Variants in DLC1 observed in about 807,000 individuals in gnomAD.
DLC1 encodes the protein rho GTPase-activating protein 7.
Under a neutral mutation model 140.3 loss-of-function variants are expected in DLC1, and 54 were observed. The observed-to-expected ratio is 0.38, with a 90% confidence interval of 0.31 to 0.48. The LOEUF (loss-of-function observed/expected upper bound fraction) is 0.48, where lower values mean the gene tolerates loss of function less well. DLC1 is among the 20% of genes least tolerant of loss of function. DLC1 has a pLI of 0.96. For missense variants in DLC1, 2,536 were observed against 1,907.0 expected (o/e 1.33, Z -6.14); for synonymous variants, 986 against 728.1 (o/e 1.35, Z -5.70).
chr8:13,392,098 T>C (rs149721016), intron 4 of DLC1, among the ~76,000 whole-genome samples: 116 of 152,336 alleles, frequency 7.6e-4, no homozygotes, highest in Middle Eastern at 3.4e-3. Flanking sequence ...TCAGTGTACC[T>C]GTTGGCACAC....
intron 3 of DLC1, among the ~76,000 whole-genome samples, chr8:13,396,062 C>T (rs67123047): frequency 0.37 from 49,647 of 135,120 alleles, 10,363 homozygotes; most frequent in Non-Finnish European, 0.46. Context: ...TCTTTTCTTT[C>T]TTTTTTTTTT....
chr8:13,091,184 C>T, intron 14 of DLC1, 134 bp downstream of exon 14: 1 of 678,368 alleles, frequency 1.5e-6, no homozygotes. Context: ...GTAAATAAGA[C>T]ATTCTCAGGC....
chr8:13,294,291 C>G (rs920222368), intron 5 of DLC1, among the ~76,000 whole-genome samples: 6 of 152,180 alleles, frequency 3.9e-5, no homozygotes, highest in African/African-American at 1.4e-4. Context: ...GTGCACCGTA[C>G]TGTGCTACAT....
At chr8:13,524,133 TTATTATTA>T (rs946682345) in intron 1 of DLC1, among the ~76,000 whole-genome samples, 4 of 147,656 alleles carry the variant, frequency 2.7e-5, no homozygotes, top group African/African-American at 9.9e-5. Flanking sequence ...ATTATTATTA[TTATTATTA>T]TTATTATTAT....
chr8:13,291,763 A>T (rs1159619270), intron 5 of DLC1, among the ~76,000 whole-genome samples: 1 of 152,206 alleles, frequency 6.6e-6, no homozygotes, highest in Non-Finnish European at 1.5e-5. Context: ...CAACCAAACC[A>T]GACCAAGCCT....
chr8:13,172,655 G>T (rs1216021219), intron 5 of DLC1, among the ~76,000 whole-genome samples: 1 of 152,228 alleles, frequency 6.6e-6, no homozygotes, highest in Admixed American at 6.5e-5. Context: ...TCAGTTAGGA[G>T]CATGTACTGT....
upstream of DLC1, among the ~76,000 whole-genome samples, chr8:13,517,415 A>C (rs1425654087): frequency 6.6e-6 from 1 of 152,134 alleles, no homozygotes; most frequent in Non-Finnish European, 1.5e-5. Flanking sequence ...ACCCTTTTCT[A>C]CACAAAAAAT....
intron 2 of DLC1, among the ~76,000 whole-genome samples, chr8:13,447,116 G>C (rs911067847): frequency 1.7e-4 from 22 of 127,706 alleles, no homozygotes; most frequent in African/African-American, 6.5e-4. Flanking sequence ...CATTGCATTA[G>C]CTAACATGTA....
intron 2 of DLC1, among the ~76,000 whole-genome samples, chr8:13,416,341 G>A (rs1838056118): frequency 6.6e-6 from 1 of 151,998 alleles, no homozygotes; most frequent in Admixed American, 6.6e-5. Flanking sequence ...GAAAACAAAA[G>A]GAAGTTGCAA....
At chr8:13,217,255 TAA>T (rs968225662) in intron 5 of DLC1, among the ~76,000 whole-genome samples, 1 of 152,176 alleles carries the variant, frequency 6.6e-6, no homozygotes, top group Admixed American at 6.5e-5. Flanking sequence ...CAAGACACAT[TAA>T]AAGAGTAAAA....
intron 4 of DLC1, among the ~76,000 whole-genome samples, chr8:13,367,061 G>A (rs1384750403): frequency 1.3e-5 from 2 of 152,014 alleles, no homozygotes; most frequent in African/African-American, 4.8e-5. Context: ...GCTGTATTCT[G>A]TATTTTATAA....
Position 13,100,016 on chromosome 8 carries a change from A to G in DLC1, c.2321T>C (p.Met774Thr), listed in dbSNP as rs1451904420. 2 of 1,612,732 alleles carry G rather than the reference A, an allele frequency of 1.2e-6. No individual in the cohort carries two copies. The highest frequency in any genetic ancestry group is 1.7e-6 in the Non-Finnish European group (2 of 1,180,044). ...SLSACNKRVGMYLEGFDPFNQ... is the reference protein window; with the variant it reads ...SLSACNKRVGTYLEGFDPFNQ... ...GAAAGGATCGAAGCCCTCTAAGTACATGCCCACCCGCTTGTTGCACGCACT... is the reference window on the plus strand; with the variant it reads ...GAAAGGATCGAAGCCCTCTAAGTACGTGCCCACCCGCTTGTTGCACGCACT... The change falls in exon 9 of 18, where the codon ATG (methionine) becomes ACG (threonine). Residue 774 changes from methionine (M) to threonine (T), a missense_variant. By Grantham distance (81) the Met-to-Thr change is moderately conservative. Transcript: ENST00000276297.
upstream of DLC1, among the ~76,000 whole-genome samples, chr8:13,517,433 G>A (rs1802625011): frequency 6.6e-6 from 1 of 151,944 alleles, no homozygotes; most frequent in Admixed American, 6.6e-5. Context: ...AATACATTAT[G>A]TTTTCTTCTA....
Position 13,564,512 on chromosome 8 carries a change from A to T in DLC1, c.-126+40025T>A, listed in dbSNP as rs188738868. On this transcript the variant is annotated intron_variant, in intron 1 of 1. Coordinates refer to the DLC1 transcript ENST00000631382. Reference sequence around the variant, plus strand: ...TCATCGTAGTCTCTCTTATACTTAAACTAGACTCCCACTTTGTACACTGCA... The same window carrying T: ...TCATCGTAGTCTCTCTTATACTTAATCTAGACTCCCACTTTGTACACTGCA... Among the ~76,000 whole-genome samples the T allele has an allele frequency of 1.6e-3, 237 of 152,292 alleles. 2 individuals are homozygous for T. The highest frequency in any genetic ancestry group is 3.8e-3 in the Admixed American group (58 of 15,300).
At chr8:13,172,250 A>C (rs28522435) in intron 5 of DLC1, among the ~76,000 whole-genome samples, 2 of 152,072 alleles carry the variant, frequency 1.3e-5, no homozygotes, top group Non-Finnish European at 2.9e-5. Context: ...TATATTTTCA[A>C]CCTCACTAAT....
chr8:13,166,787 G>T (rs142728478), intron 5 of DLC1, among the ~76,000 whole-genome samples: 31 of 152,270 alleles, frequency 2.0e-4, no homozygotes, highest in African/African-American at 7.0e-4. Context: ...AATAATCCCA[G>T]TTCATACTAA....
intron 5 of DLC1, among the ~76,000 whole-genome samples, chr8:13,172,711 A>G (rs1475467595): frequency 6.6e-6 from 1 of 152,226 alleles, no homozygotes; most frequent in Admixed American, 6.5e-5. Flanking sequence ...TTTCTGTTTC[A>G]GTATCAGAAA....
At chr8:13,354,030 A>G (rs542327193) in intron 4 of DLC1, among the ~76,000 whole-genome samples, 1 of 113,216 alleles carries the variant, frequency 8.8e-6, no homozygotes. Flanking sequence ...TCTGCCATCC[A>G]GACATACTGA....
In DLC1 at chr8:13,345,833, A is replaced by C. The variant is rs1834310505; in HGVS notation, c.1315-40531T>G. On this transcript the variant is annotated intron_variant, in intron 4 of 17. Coordinates refer to ENST00000276297, the MANE Select transcript of DLC1 (RefSeq NM_182643.3). Reference sequence around the variant, plus strand: ...TGTGGCCTCTGAAAGTGCTGAGATTACAGGCATCAGCCGCTGCATCTGGCC... The same window carrying C: ...TGTGGCCTCTGAAAGTGCTGAGATTCCAGGCATCAGCCGCTGCATCTGGCC... 2.0e-5 allele frequency among the ~76,000 whole-genome samples: 3 copies of C among 152,154 alleles called. No homozygotes were observed. In the South Asian group the frequency reaches 6.2e-4, roughly 32 times the overall value.
Sources: gnomAD v4.1 joint callset for allele counts (sites outside exome capture counted in the v4.1 genomes callset) on GRCh38, gnomAD v4.1.1 for gene constraint, MANE v1.5 for transcripts, NCBI Gene and HGNC (gene_info 2026-07-23, HGNC 2026-07-21) for gene names.